FRAS1: variants seen among roughly 807,000 people sequenced by gnomAD.
The protein encoded by FRAS1 is extracellular matrix organizing protein FRAS1.
Under a neutral mutation model 435.2 loss-of-function variants are expected in FRAS1, and 290 were observed. The observed-to-expected ratio is 0.67, with a 90% CI of 0.61 to 0.73. FRAS1 has a LOEUF of 0.73. Ranked by LOEUF, FRAS1 falls within the 30% of genes least tolerant of loss-of-function variation. FRAS1 has a pLI of 0.00. For synonymous variants in FRAS1, 1,800 were observed against 1,851.0 expected, an observed-to-expected ratio of 0.97 and a Z score of 0.71; for missense variants, 4,860 against 5,001.5, an observed-to-expected ratio of 0.97 and a Z score of 0.85.
intron 2 of FRAS1, among the ~76,000 whole-genome samples, chr4:78,152,007 A>G (rs1245911060): frequency 6.6e-6 from 1 of 152,154 alleles, no homozygotes; most frequent in Non-Finnish European, 1.5e-5. Flanking sequence ...TAGTCTGTAG[A>G]TGGAAGGAAT....
chr4:78,506,464 C>A (rs1348091145), intron 61 of FRAS1, among the ~76,000 whole-genome samples: 1 of 152,254 alleles, frequency 6.6e-6, no homozygotes. Flanking sequence ...ATTGCAGACA[C>A]CCCTCCCCCA....
Position 78,266,817 on chromosome 4 carries a change from T to C in FRAS1, c.688-17T>C. ...GACATTTGATTTTCCATGTTCTTCT[T>C]TCCTGTCTTCATGCAGCATGGTGAG... On this transcript the variant is annotated splice_polypyrimidine_tract_variant and intron_variant, in intron 7 of 73. Transcript: ENST00000512123. 1.3e-6 allele frequency: 2 copies of C among 1,572,440 alleles called. No individual in the cohort carries two copies. The highest frequency in any genetic ancestry group is 1.7e-6 in the Non-Finnish European group (2 of 1,154,234).
At chr4:78,247,910 G>A (rs1456102250) in intron 4 of FRAS1, among the ~76,000 whole-genome samples, 1 of 152,130 alleles carries the variant, frequency 6.6e-6, no homozygotes, top group Non-Finnish European at 1.5e-5. Flanking sequence ...GATTCGGTGT[G>A]GCAGGAGGGG....
At chr4:78,299,357 A>T (rs1179377196) in intron 14 of FRAS1, among the ~76,000 whole-genome samples, 1 of 152,202 alleles carries the variant, frequency 6.6e-6, no homozygotes, top group Non-Finnish European at 1.5e-5. Context: ...TATGGCACAG[A>T]TGCACATCAG....
At position 78,113,376 on chromosome 4, in the gene FRAS1, A is replaced by G. The variant is rs536493484; in HGVS notation, c.108+47360A>G. Among the ~76,000 whole-genome samples, 3 of 152,266 alleles carry G rather than the reference A, an allele frequency of 2.0e-5. No individual in the cohort carries two copies. The South Asian group carries it at 6.2e-4, about 32-fold the overall frequency. On this transcript the variant is annotated intron_variant, in intron 2 of 73. Transcript: ENST00000512123. ...GATGGCTGGGTCAAATGGTATTTCT[A>G]GTTCTAGATCCCTGAGGAATCGTCA...
chr4:78,326,861 C>G (rs1399292851), intron 18 of FRAS1, among the ~76,000 whole-genome samples: 6 of 152,080 alleles, frequency 3.9e-5, no homozygotes, highest in Admixed American at 2.0e-4. Flanking sequence ...CATCTATCCA[C>G]CCCCACACAC....
At chr4:78,127,657 AAACAAC>A (rs538687247) in intron 2 of FRAS1, among the ~76,000 whole-genome samples, 2 of 80,802 alleles carry the variant, frequency 2.5e-5, no homozygotes, top group Admixed American at 1.4e-4. Context: ...ACAAACAAAC[AAACAAC>A]AACAACAACA....
chr4:78,263,128 C>A (rs1329128427), intron 6 of FRAS1, among the ~76,000 whole-genome samples: 1 of 152,124 alleles, frequency 6.6e-6, no homozygotes, highest in Non-Finnish European at 1.5e-5. Flanking sequence ...ATGGTAACAA[C>A]AAAAGTATAC....
intron 2 of FRAS1, among the ~76,000 whole-genome samples, chr4:78,167,285 C>A (rs1483772102): frequency 1.3e-5 from 2 of 152,120 alleles, no homozygotes; most frequent in Non-Finnish European, 2.9e-5. Context: ...AAAACGATTC[C>A]TACTTCTGGG....
At chr4:78,358,886 A>G (rs1730966952) in intron 20 of FRAS1, among the ~76,000 whole-genome samples, 1 of 152,182 alleles carries the variant, frequency 6.6e-6, no homozygotes, top group Non-Finnish European at 1.5e-5. Context: ...ACATGTGGGA[A>G]TGCTGATGAT....
At chr4:78,231,123 T>A (rs1724502575) in intron 2 of FRAS1, among the ~76,000 whole-genome samples, 1 of 151,886 alleles carries the variant, frequency 6.6e-6, no homozygotes. Flanking sequence ...CCCAGCAATT[T>A]TTTTTCTATT....
At chr4:78,211,859 TC>T (rs1472523865) in intron 2 of FRAS1, among the ~76,000 whole-genome samples, 1 of 152,118 alleles carries the variant, frequency 6.6e-6, no homozygotes, top group Non-Finnish European at 1.5e-5. Context: ...CTTTCCACTC[TC>T]CCTCCCTCTG....
chr4:78,363,808 A>G, intron 21 of FRAS1, 100 bp from the exon 22 acceptor site: 1 of 1,454,722 alleles, frequency 6.9e-7, no homozygotes, highest in South Asian at 1.3e-5. Flanking sequence ...CAGACTTGCC[A>G]ATGTTCTCAG....
intron 14 of FRAS1, among the ~76,000 whole-genome samples, chr4:78,293,701 A>G (rs926335511): frequency 4.6e-5 from 7 of 152,194 alleles, no homozygotes; most frequent in South Asian, 2.1e-4. Context: ...ACAAGACCCA[A>G]TGAGGCAGGT....
At chr4:78,438,526 CT>C in intron 38 of FRAS1, 43 bp from the exon 39 acceptor site, 12 of 1,609,352 alleles carry the variant, frequency 7.5e-6, no homozygotes, top group Non-Finnish European at 1.0e-5. Context: ...GTGTTTATTC[CT>C]GCAAATGTGC....
chr4:78,455,046 T>A (rs1488569288), intron 47 of FRAS1, among the ~76,000 whole-genome samples: 1 of 152,140 alleles, frequency 6.6e-6, no homozygotes, highest in Non-Finnish European at 1.5e-5. Context: ...TACCAGTTTT[T>A]CTCAATCTGC....
intron 61 of FRAS1, among the ~76,000 whole-genome samples, chr4:78,504,527 G>T (rs992245207): frequency 6.6e-6 from 1 of 152,160 alleles, no homozygotes; most frequent in African/African-American, 2.4e-5. Flanking sequence ...TTTTATCAGA[G>T]ACTAGGATTG....
intron 2 of FRAS1, among the ~76,000 whole-genome samples, chr4:78,233,015 G>T (rs1195971457): frequency 6.6e-6 from 1 of 152,162 alleles, no homozygotes; most frequent in Non-Finnish European, 1.5e-5. Context: ...GAATGAAAGT[G>T]AATAACCTAC....
intron 9 of FRAS1, among the ~76,000 whole-genome samples, chr4:78,274,978 C>A (rs12499728): frequency 0.24 from 36,523 of 152,030 alleles, 5,244 homozygotes; most frequent in South Asian, 0.5. Context: ...TAAGGACTTG[C>A]TTTATGAATC....
Sources: allele counts gnomAD v4.1 joint callset (sites outside exome capture counted in the v4.1 genomes callset), GRCh38; gene constraint gnomAD v4.1.1; transcripts MANE v1.5; gene names NCBI Gene and HGNC (gene_info 2026-07-23, HGNC 2026-07-21).